The following YAF2 variants were observed in gnomAD, a reference collection of about 807,000 sequenced individuals.
YAF2 encodes the protein YY1-associated factor 2.
YAF2 carries 7 observed loss-of-function variants against 20.1 expected under a neutral mutation model. The ratio of observed to expected loss-of-function variants is 0.35; its 90% CI spans 0.20 to 0.65. The LOEUF (loss-of-function observed/expected upper bound fraction) is 0.65. YAF2 is among the 30% of genes least tolerant of loss of function. YAF2 has a pLI of 0.69. For synonymous variants in YAF2, 74 were observed against 76.0 expected (o/e 0.97, Z 0.14); for missense variants, 151 against 219.2 (o/e 0.69, Z 1.96).
chr12:42,182,247 T>C (rs78942159), intron 2 of YAF2, among the ~76,000 whole-genome samples: 1,603 of 152,312 alleles, frequency 0.011, 29 homozygotes, highest in African/African-American at 0.037. Context: ...GCAGAAGGCA[T>C]GAAATTCTGT....
At chr12:42,205,162 T>A (rs538563691) in intron 2 of YAF2, among the ~76,000 whole-genome samples, 23 of 151,848 alleles carry the variant, frequency 1.5e-4, no homozygotes, top group Admixed American at 1.4e-3. Flanking sequence ...GAAAAAAAAA[T>A]TCACTAGAAA....
At position 42,233,176 on chromosome 12, in the gene YAF2, C is replaced by T. The variant is rs117418879; in HGVS notation, c.152+4423G>A. The T allele has an allele frequency of 3.7e-3, 3,647 of 985,368 alleles. 8 individuals are homozygous for T. The highest frequency in any genetic ancestry group is 4.1e-3 in the Non-Finnish European group (3,444 of 829,898). 61.0% of individuals were successfully genotyped at this position (985,368 alleles called of 1,614,324 possible). A position where few individuals can be genotyped will look rare whatever the true frequency, so the allele number is the denominator to read the frequency against. On this transcript the variant is annotated intron_variant, in intron 2 of 3. Coordinates refer to ENST00000534854, the MANE Select transcript of YAF2 (RefSeq NM_005748.6). ...AATCATACTAGTGTAACATCTAGCA[C>T]TCTTTCTACTATGTGAAATCTTTTT...
intron 2 of YAF2, among the ~76,000 whole-genome samples, chr12:42,187,630 T>G (rs1023261985): frequency 3.3e-5 from 5 of 152,230 alleles, no homozygotes; most frequent in Admixed American, 1.3e-4. Context: ...GTAAAAATCC[T>G]CATTTCTCTT....
chr12:42,185,319 C>G (rs2066445053), intron 2 of YAF2, among the ~76,000 whole-genome samples: 1 of 152,188 alleles, frequency 6.6e-6, no homozygotes, highest in Non-Finnish European at 1.5e-5. Flanking sequence ...AAAGTGGTTT[C>G]TTGATATGGA....
At chr12:42,186,823 G>A (rs1394227465) in intron 2 of YAF2, among the ~76,000 whole-genome samples, 3 of 152,218 alleles carry the variant, frequency 2.0e-5, no homozygotes, top group Non-Finnish European at 2.9e-5. Context: ...GCTCATCAAG[G>A]GTCTGAGGGT....
rs2065756677 is a variant in YAF2 at position 42,159,353 on chromosome 12, G to A, written c.*1236C>T. The A allele has an allele frequency of 6.6e-6, 1 of 152,012 alleles. No homozygotes were observed. The highest frequency in any genetic ancestry group is 1.5e-5 in the Non-Finnish European group (1 of 67,930). 9.4% of individuals were successfully genotyped at this position (152,012 alleles called of 1,614,324 possible). ...GGTTAAGAGAAAGCAGGAGACCCCA[G>A]GAGAATTTAAGTACTGTGTGGTTTC... On this transcript the variant is annotated 3_prime_UTR_variant, in exon 4 of 4. Transcript: ENST00000534854.
At chr12:42,170,535 T>C (rs1368269679) in intron 2 of YAF2, among the ~76,000 whole-genome samples, 3 of 152,210 alleles carry the variant, frequency 2.0e-5, no homozygotes, top group Non-Finnish European at 4.4e-5. Flanking sequence ...TGTGGCCAGA[T>C]GCGGTGGCTC....
chr12:42,224,905 C>T (rs777484845), intron 2 of YAF2, among the ~76,000 whole-genome samples: 83 of 152,178 alleles, frequency 5.5e-4, no homozygotes, highest in Non-Finnish European at 1.1e-3. Context: ...AATGAGACTG[C>T]TGGATCAAAT....
At chr12:42,185,743 T>C (rs1284335125) in intron 2 of YAF2, among the ~76,000 whole-genome samples, 2 of 152,224 alleles carry the variant, frequency 1.3e-5, no homozygotes, top group African/African-American at 4.8e-5. Flanking sequence ...TTGGATATAA[T>C]GCTATTATTA....
intron 2 of YAF2, among the ~76,000 whole-genome samples, chr12:42,194,061 A>G (rs2066685877): frequency 6.6e-6 from 1 of 152,248 alleles, no homozygotes; most frequent in African/African-American, 2.4e-5. Flanking sequence ...CTGTTGTATA[A>G]TGAGTTTGCA....
intron 2 of YAF2, among the ~76,000 whole-genome samples, chr12:42,213,017 T>C (rs999818401): frequency 6.6e-6 from 1 of 151,692 alleles, no homozygotes; most frequent in African/African-American, 2.4e-5. Flanking sequence ...ATAATGCAAA[T>C]ATTTTATCCT....
Position 42,160,305 on chromosome 12 carries a change from A to G in YAF2, c.*284T>C, listed in dbSNP as rs1335049140. 2 of 316,724 alleles carry G rather than the reference A, an allele frequency of 6.3e-6. No individual in the cohort carries two copies. The highest frequency in any genetic ancestry group is 4.6e-5 in the Admixed American group (1 of 21,732). 19.6% of individuals were successfully genotyped at this position (316,724 alleles called of 1,614,324 possible). ...CAAGAATTATGTGTTAGAATTCACT[A>G]AACTAAAAGTGAAAATACACTTACC... On this transcript the variant is annotated 3_prime_UTR_variant, in exon 4 of 4. Transcript: ENST00000534854.
At chr12:42,210,353 A>G in intron 2 of YAF2, 2 of 1,516,322 alleles carry the variant, frequency 1.3e-6, no homozygotes, top group South Asian at 1.2e-5. Context: ...TAGATTACTT[A>G]CCAGTAACTT....
In YAF2 at chr12:42,160,638, G is replaced by A. The variant is rs759286570; in HGVS notation, c.494C>T (p.Ser165Leu). Reference sequence around the variant, plus strand: ...TGAGGCTTCTCCTCTGGGTGAAGATGACCTGGACATTCCTCTCTCTGTGTT... The same window carrying A: ...TGAGGCTTCTCCTCTGGGTGAAGATAACCTGGACATTCCTCTCTCTGTGTT... The part of the protein sequence containing the change: ...SDNTERGMSR[S>L]SSPRGEASSL... Residue 165 changes from serine (S) to leucine (L), a missense_variant, in exon 4 of 4, where the codon TCA becomes TTA. Around this residue, in one of 3 missense-constraint regions of YAF2, gnomAD observed 51 missense variants for 48.9 expected, o/e 1.04. Coordinates refer to ENST00000534854, the MANE Select transcript of YAF2 (RefSeq NM_005748.6). The A allele has an allele frequency of 3.1e-6, 5 of 1,613,704 alleles. No individual in the cohort carries two copies. The African/African-American group carries it at 6.7e-5, about 22-fold the overall frequency.
intron 2 of YAF2, among the ~76,000 whole-genome samples, chr12:42,208,488 C>T (rs906167534): frequency 1.3e-5 from 2 of 151,740 alleles, no homozygotes; most frequent in African/African-American, 4.8e-5. Flanking sequence ...AGCAATACAA[C>T]CTAAAGCTAA....
intron 2 of YAF2, chr12:42,236,003 A>G: frequency 6.5e-7 from 1 of 1,536,112 alleles, no homozygotes. Context: ...TGTCCCTGCA[A>G]ATAAACATAT....
chr12:42,235,904 T>C lies in YAF2; in HGVS notation c.152+1695A>G, dbSNP rs1294695776. On this transcript the variant is annotated intron_variant, in intron 2 of 3. Transcript: ENST00000534854. Reference sequence around the variant, plus strand: ...GGTATTCAGCCTGTTTCTTCTCTTCTGAGCTGCCACCACCTACTCTATTTC... The same window carrying C: ...GGTATTCAGCCTGTTTCTTCTCTTCCGAGCTGCCACCACCTACTCTATTTC... 1.2e-5 allele frequency: 19 copies of C among 1,536,158 alleles called. No individual in the cohort carries two copies. The Admixed American group carries it at 2.5e-4, about 21-fold the overall frequency.
intron 2 of YAF2, among the ~76,000 whole-genome samples, chr12:42,190,968 C>T (rs1021420196): frequency 1.3e-5 from 2 of 151,316 alleles, no homozygotes; most frequent in Non-Finnish European, 2.9e-5. Flanking sequence ...AAAAATATAA[C>T]CTATTTTAAA....
intron 2 of YAF2, among the ~76,000 whole-genome samples, chr12:42,187,792 C>T (rs371759011): frequency 1.1e-4 from 16 of 152,328 alleles, no homozygotes; most frequent in Middle Eastern, 6.8e-3. Flanking sequence ...CCTTCCCACA[C>T]TGAATATGGC....
Sources: allele counts gnomAD v4.1 joint callset (sites outside exome capture counted in the v4.1 genomes callset), GRCh38; gene constraint gnomAD v4.1.1; regional missense constraint gnomAD v4.1.1; transcripts MANE v1.5; gene names NCBI Gene and HGNC (gene_info 2026-07-23, HGNC 2026-07-21).